SLC4A5: variants seen among roughly 807,000 people sequenced by gnomAD.
SLC4A5 encodes electrogenic sodium bicarbonate cotransporter 4.
SLC4A5 carries 96 observed loss-of-function variants against 120.4 expected under a neutral mutation model. That is an observed-to-expected ratio of 0.80 (90% confidence interval 0.68 to 0.94). The LOEUF (loss-of-function observed/expected upper bound fraction) is 0.94. SLC4A5 is among the 40% of genes least tolerant of loss of function. The pLI is 0.00. For missense variants in SLC4A5, 1,259 were observed against 1,459.5 expected (o/e 0.86, Z 2.24); for synonymous variants, 550 against 571.1 (o/e 0.96, Z 0.53).
intron 30 of SLC4A5, among the ~76,000 whole-genome samples, chr2:74,220,462 T>G (rs1694588762): frequency 6.6e-6 from 1 of 152,212 alleles, no homozygotes; most frequent in African/African-American, 2.4e-5. Flanking sequence ...TTAGCGTTCA[T>G]TTATCCTGGC....
intron 5 of SLC4A5, among the ~76,000 whole-genome samples, chr2:74,324,467 T>C (rs1173412129): frequency 6.6e-6 from 1 of 152,172 alleles, no homozygotes; most frequent in Admixed American, 6.5e-5. Context: ...GAGTGCCTGA[T>C]TCCATAGCTC....
In SLC4A5 at chr2:74,297,031, T is replaced by C. The variant is rs138363619; in HGVS notation, c.271+7458A>G. ...GCCTTTCTCTCCTTTACTTCTCATCTTAGGGTAATTTTGATCTTTTGGTGA... is the reference window on the plus strand; with the variant it reads ...GCCTTTCTCTCCTTTACTTCTCATCCTAGGGTAATTTTGATCTTTTGGTGA... On this transcript the variant is annotated intron_variant, in intron 7 of 30. Transcript: ENST00000394019. Among the ~76,000 whole-genome samples, 17 of 152,308 alleles carry C rather than the reference T, an allele frequency of 1.1e-4. No homozygotes were observed. The East Asian group carries it at 3.3e-3, about 29-fold the overall frequency.
chr2:74,271,644 G>C (rs1315969560), intron 8 of SLC4A5, among the ~76,000 whole-genome samples: 2 of 151,712 alleles, frequency 1.3e-5, no homozygotes, highest in African/African-American at 4.8e-5. Context: ...TTCCTCTCTG[G>C]TGTCCCCTTA....
chr2:74,290,703 A>G, intron 7 of SLC4A5: 1 of 985,156 alleles, frequency 1.0e-6, no homozygotes, highest in Non-Finnish European at 1.2e-6. Flanking sequence ...TCTCAGGTGC[A>G]CTAGAGAGAG....
chr2:74,234,981 A>G, intron 22 of SLC4A5, 120 bp downstream of exon 22: 1 of 760,358 alleles, frequency 1.3e-6, no homozygotes, highest in Non-Finnish European at 2.1e-6. Context: ...GGTGGCACAC[A>G]GAGAACTAAA....
chr2:74,217,505 G>A (rs1694483233), exon 31 of SLC4A5: 3 of 152,100 alleles, frequency 2.0e-5, no homozygotes, highest in Admixed American at 2.0e-4. Context: ...AACCTGTATT[G>A]TTCACATGAA....
At chr2:74,222,156 G>C (rs1263040524) in intron 29 of SLC4A5, among the ~76,000 whole-genome samples, 7 of 152,170 alleles carry the variant, frequency 4.6e-5, no homozygotes, top group African/African-American at 1.7e-4. Flanking sequence ...TTTCTCTAAA[G>C]GGAAAAGCTT....
chr2:74,314,833 A>G, intron 6 of SLC4A5, 112 bp downstream of exon 6: 1 of 954,518 alleles, frequency 1.0e-6, no homozygotes, highest in Non-Finnish European at 1.7e-6. Flanking sequence ...TGGATGAGTC[A>G]GGAAAAGGGA....
At chr2:74,232,638 C>T (rs770652020) in exon 24 of SLC4A5, 51 of 1,612,608 alleles carry the variant, frequency 3.2e-5, no homozygotes, top group Non-Finnish European at 4.2e-5. Flanking sequence ...AGATGGTAGC[C>T]GGCAGCCTTC....
intron 21 of SLC4A5, among the ~76,000 whole-genome samples, chr2:74,236,745 CT>C (rs1204172757): frequency 1.3e-5 from 2 of 152,090 alleles, no homozygotes; most frequent in Non-Finnish European, 2.9e-5. Flanking sequence ...ATGAACTTGA[CT>C]TTTTTTGTAG....
intron 7 of SLC4A5, among the ~76,000 whole-genome samples, chr2:74,302,622 T>A (rs1672507218): frequency 6.6e-6 from 1 of 152,098 alleles, no homozygotes; most frequent in Admixed American, 6.5e-5. Context: ...GTCTCAAAAA[T>A]ATATATATGC....
rs72903290 is a variant in SLC4A5, at chr2:74,332,604, T to C, written c.-70+1423A>G. Among the ~76,000 whole-genome samples, 1,494 of 152,234 alleles carry C rather than the reference T, an allele frequency of 9.8e-3. 30 individuals carry two copies. Among genetic ancestry groups the C allele is most frequent in the African/African-American group, 0.034 (1,401 of 41,520 alleles). ...GGGCAAAATCAGTCCATTCGTTAAC[T>C]TTTTCCTCCTGCACAAAGTACTCTT... On this transcript the variant is annotated intron_variant, in intron 4 of 30. Coordinates refer to ENST00000394019, the Ensembl canonical transcript of SLC4A5.
chr2:74,266,933 A>G (rs1671320069), intron 8 of SLC4A5, among the ~76,000 whole-genome samples: 1 of 152,232 alleles, frequency 6.6e-6, no homozygotes, highest in South Asian at 2.1e-4. Flanking sequence ...CAACAAAGAA[A>G]GCATCAAAAT....
At chr2:74,250,666 GC>G in intron 16 of SLC4A5, 149 bp from the exon 17 acceptor site, 1 of 901,950 alleles carries the variant, frequency 1.1e-6, no homozygotes, top group Non-Finnish European at 1.7e-6. Flanking sequence ...AACATTTAGG[GC>G]CAGGGATGAA....
At chr2:74,229,852 T>C (rs1694997153) in intron 25 of SLC4A5, among the ~76,000 whole-genome samples, 1 of 151,878 alleles carries the variant, frequency 6.6e-6, no homozygotes, top group Admixed American at 6.6e-5. Context: ...CTTTAGCGTT[T>C]GTTTCTTACA....
chr2:74,310,741 G>A (rs1035192479), intron 6 of SLC4A5, among the ~76,000 whole-genome samples: 8 of 152,084 alleles, frequency 5.3e-5, no homozygotes, highest in African/African-American at 1.9e-4. Context: ...ATATTCATAA[G>A]GGACATTGGT....
intron 7 of SLC4A5, among the ~76,000 whole-genome samples, chr2:74,298,563 T>C (rs1179066049): frequency 6.6e-6 from 1 of 152,002 alleles, no homozygotes; most frequent in Non-Finnish European, 1.5e-5. Flanking sequence ...AAAGCAAAAA[T>C]AAACTAGTGC....
intron 8 of SLC4A5, among the ~76,000 whole-genome samples, chr2:74,281,299 T>C (rs893444503): frequency 1.3e-5 from 2 of 152,262 alleles, no homozygotes; most frequent in Admixed American, 6.5e-5. Flanking sequence ...CGCTAAGCTC[T>C]GGTTATTTCT....
chr2:74,236,877 T>G (rs550871259), intron 21 of SLC4A5, among the ~76,000 whole-genome samples: 28 of 152,248 alleles, frequency 1.8e-4, no homozygotes, highest in African/African-American at 6.5e-4. Context: ...CTCCAACATC[T>G]GGTGTCCCAA....
Sources: gnomAD v4.1 joint callset for allele counts (sites outside exome capture counted in the v4.1 genomes callset) on GRCh38, gnomAD v4.1.1 for gene constraint, MANE v1.5 for transcripts, NCBI Gene and HGNC (gene_info 2026-07-23, HGNC 2026-07-21) for gene names.